Variants in SEC24D observed in about 807,000 individuals in gnomAD.
SEC24D encodes protein transport protein Sec24D.
Under a neutral mutation model 116.9 loss-of-function variants are expected in SEC24D, and 69 were observed. That is an observed-to-expected ratio of 0.59 (90% CI 0.49 to 0.72). The LOEUF is 0.72. Among genes scored for constraint, SEC24D ranks in the 30% least tolerant of loss-of-function variants. The pLI is 0.00. For synonymous variants in SEC24D, 405 were observed against 442.8 expected, an observed-to-expected ratio of 0.91 and a Z score of 1.07; for missense variants, 1,131 against 1,264.1, an observed-to-expected ratio of 0.89 and a Z score of 1.60.
At chr4:118,742,083 CA>C (rs1364139000) in intron 15 of SEC24D, among the ~76,000 whole-genome samples, 1 of 151,810 alleles carries the variant, frequency 6.6e-6, no homozygotes, top group Non-Finnish European at 1.5e-5. Context: ...TTGAAAGAAT[CA>C]GTAATAATTA....
In SEC24D at chr4:118,723,397, A is replaced by G. The variant is rs752205242; in HGVS notation, c.*118T>C. 1.5e-5 allele frequency: 16 copies of G among 1,072,160 alleles called. No individual in the cohort carries two copies. Among genetic ancestry groups the G allele is most frequent in the Non-Finnish European group, 2.1e-5 (16 of 748,268 alleles). 66.4% of individuals were successfully genotyped at this position (1,072,160 alleles called of 1,614,324 possible). On this transcript the variant is annotated 3_prime_UTR_variant, in exon 23 of 23. Transcript: ENST00000280551. ...AGTTCTAAATGCCATCTCTTCCTGG[A>G]AAGTTATTCTGAAAATGAGCAAGAA...
At chr4:118,826,676 A>T (rs1348361928) in intron 2 of SEC24D, among the ~76,000 whole-genome samples, 1 of 149,330 alleles carries the variant, frequency 6.7e-6, no homozygotes, top group African/African-American at 2.5e-5. Context: ...TTCCCCCTTT[A>T]AAAAAATAAG....
intron 8 of SEC24D, among the ~76,000 whole-genome samples, chr4:118,773,898 A>G (rs1728021604): frequency 6.6e-6 from 1 of 152,214 alleles, no homozygotes; most frequent in Non-Finnish European, 1.5e-5. Flanking sequence ...CTTTTTAGAG[A>G]GCAATACTAT....
intron 1 of SEC24D, among the ~76,000 whole-genome samples, chr4:118,834,508 C>A (rs553061333): frequency 6.6e-6 from 1 of 151,866 alleles, no homozygotes. Context: ...TGATTCTAAT[C>A]AGAACCCAAA....
intron 6 of SEC24D, among the ~76,000 whole-genome samples, chr4:118,814,310 C>A (rs1298703180): frequency 6.6e-6 from 1 of 152,178 alleles, no homozygotes; most frequent in Non-Finnish European, 1.5e-5. Flanking sequence ...GCTCTGTTTC[C>A]TCCCTATGCC....
chr4:118,829,742 G>C (rs963628551), intron 2 of SEC24D, among the ~76,000 whole-genome samples: 22 of 152,064 alleles, frequency 1.4e-4, no homozygotes, highest in African/African-American at 5.1e-4. Flanking sequence ...AACCTGGGAG[G>C]CGGAGGTTGC....
chr4:118,764,610 C>T, intron 10 of SEC24D, 192 bp downstream of exon 10: 1 of 477,420 alleles, frequency 2.1e-6, no homozygotes, highest in Non-Finnish European at 3.7e-6. Flanking sequence ...ATAATTCCTC[C>T]AGTAGATGGT....
intron 8 of SEC24D, among the ~76,000 whole-genome samples, chr4:118,796,971 CCT>C (rs567789942): frequency 1.7e-4 from 26 of 152,168 alleles, no homozygotes; most frequent in East Asian, 3.8e-4. Context: ...CTTTTCTTCC[CCT>C]GTGTGACTTG....
chr4:118,745,062 T>TA lies in SEC24D; in HGVS notation c.1708-3dup, dbSNP rs35951660. On this transcript the variant is annotated splice_region_variant and splice_polypyrimidine_tract_variant and intron_variant, in intron 13 of 22. Coordinates refer to ENST00000280551, the MANE Select transcript of SEC24D (RefSeq NM_014822.4). ...CAGCTTCCCAGGACAGTCTGCTGCC[T>TA]AAAAAAAAAAAAAAACCCAAAAACC... is the stretch of plus-strand genomic sequence containing the variant. The TA allele has an allele frequency of 0.2, 227,118 of 1,149,800 alleles. 36 individuals are homozygous for TA. Among genetic ancestry groups the TA allele is most frequent in the South Asian group, 0.23 (15,459 of 66,534 alleles). 71.2% of individuals were successfully genotyped at this position (1,149,800 alleles called of 1,614,324 possible).
chr4:118,810,172 T>C (rs1314296565), intron 6 of SEC24D, among the ~76,000 whole-genome samples: 5 of 141,070 alleles, frequency 3.5e-5, no homozygotes, highest in Middle Eastern at 3.9e-3. Flanking sequence ...TGGCAAATAA[T>C]GTAGGGTCCT....
At chr4:118,735,102 C>G (rs1334540179) in intron 19 of SEC24D, among the ~76,000 whole-genome samples, 1 of 152,092 alleles carries the variant, frequency 6.6e-6, no homozygotes, top group Non-Finnish European at 1.5e-5. Context: ...ATCTGTGATC[C>G]TAAATACCAC....
chr4:118,811,452 T>G (rs1380268726), intron 6 of SEC24D, among the ~76,000 whole-genome samples: 1 of 152,226 alleles, frequency 6.6e-6, no homozygotes, highest in Non-Finnish European at 1.5e-5. Context: ...AATGGTGCTA[T>G]GAAAGTATTT....
chr4:118,745,040 C>T lies in SEC24D; in HGVS notation c.1728G>A (p.Lys576=), dbSNP rs1460232101. The change falls in exon 14 of 23, where the codon AAG becomes AAA. Residue 576 remains lysine, a synonymous_variant. Coordinates refer to ENST00000280551, the MANE Select transcript of SEC24D (RefSeq NM_014822.4). ...EALKAADCPG[K]LFIFHSSLPT... ...GCAAGGAAGAATGGAAGATGAACAG[C>T]TTCCCAGGACAGTCTGCTGCCTAAA... 1 of 1,601,470 alleles carries T rather than the reference C, an allele frequency of 6.2e-7. No homozygotes were observed. Among genetic ancestry groups the T allele is most frequent in the Non-Finnish European group, 8.5e-7 (1 of 1,172,592 alleles).
chr4:118,799,882 T>C (rs1215845505), intron 7 of SEC24D, among the ~76,000 whole-genome samples: 1 of 152,138 alleles, frequency 6.6e-6, no homozygotes, highest in African/African-American at 2.4e-5. Flanking sequence ...AAAAGAGTGC[T>C]AGCTGGTAAG....
intron 15 of SEC24D, among the ~76,000 whole-genome samples, chr4:118,742,629 C>A (rs1370054304): frequency 6.6e-6 from 1 of 152,088 alleles, no homozygotes; most frequent in Non-Finnish European, 1.5e-5. Flanking sequence ...CTTATCAAGT[C>A]CCTTAGTTTA....
chr4:118,835,100 CAG>C (rs1028764982), intron 1 of SEC24D, among the ~76,000 whole-genome samples: 4 of 152,192 alleles, frequency 2.6e-5, no homozygotes, highest in Non-Finnish European at 4.4e-5. Context: ...TCCCACTTAG[CAG>C]AGAGAGACGT....
intron 9 of SEC24D, 29 bp from the exon 10 acceptor site, chr4:118,764,946 A>G: frequency 7.7e-7 from 1 of 1,293,034 alleles, no homozygotes; most frequent in Non-Finnish European, 1.1e-6. Flanking sequence ...GAAAGAAAAT[A>G]TTTTGTTTTC....
intron 18 of SEC24D, among the ~76,000 whole-genome samples, chr4:118,738,885 G>A (rs1473460979): frequency 6.6e-6 from 1 of 152,136 alleles, no homozygotes; most frequent in Non-Finnish European, 1.5e-5. Context: ...AAGGGTCTAA[G>A]CATCATATTC....
At chr4:118,786,910 G>A (rs1186403153) in intron 8 of SEC24D, among the ~76,000 whole-genome samples, 3 of 152,192 alleles carry the variant, frequency 2.0e-5, no homozygotes, top group Non-Finnish European at 4.4e-5. Context: ...TTCTCCTGAA[G>A]TTGTTCCCCA....
Sources: allele counts gnomAD v4.1 joint callset (sites outside exome capture counted in the v4.1 genomes callset), GRCh38; gene constraint gnomAD v4.1.1; transcripts MANE v1.5; gene names NCBI Gene and HGNC (gene_info 2026-07-23, HGNC 2026-07-21).